The following VPS8 variants were observed in gnomAD, a reference collection of about 807,000 sequenced individuals.
The protein encoded by VPS8 is VPS8 subunit of CORVET complex.
Under a neutral mutation model 216.4 loss-of-function variants are expected in VPS8, and 129 were observed. The observed-to-expected ratio is 0.60, with a 90% CI of 0.52 to 0.69. VPS8 has a LOEUF of 0.69. Among genes scored for constraint, VPS8 ranks in the 30% least tolerant of loss-of-function variants. The pLI is 0.00. For synonymous variants in VPS8, 571 were observed against 565.4 expected (o/e 1.01, Z -0.14); for missense variants, 1,531 against 1,683.5 (o/e 0.91, Z 1.59).
chr3:184,812,480 TTAC>T (rs1428308645), intron 1 of VPS8: 3 of 152,200 alleles, frequency 2.0e-5, no homozygotes, highest in Non-Finnish European at 4.4e-5. Flanking sequence ...CAATTTCCAC[TTAC>T]TGGTTCCAAA....
intron 45 of VPS8, among the ~76,000 whole-genome samples, chr3:185,016,449 AC>A (rs1755807957): frequency 6.6e-6 from 1 of 152,234 alleles, no homozygotes; most frequent in Non-Finnish European, 1.5e-5. Context: ...TGTCCTACAT[AC>A]GTCTGGCAAA....
chr3:184,861,627 C>G (rs1444068608), intron 15 of VPS8, among the ~76,000 whole-genome samples: 1 of 152,146 alleles, frequency 6.6e-6, no homozygotes, highest in South Asian at 2.1e-4. Flanking sequence ...GTTTGAGATA[C>G]AGTACTTTAA....
chr3:184,856,112 C>A (rs1356560023), intron 14 of VPS8, among the ~76,000 whole-genome samples: 3 of 152,188 alleles, frequency 2.0e-5, no homozygotes, highest in African/African-American at 7.2e-5. Context: ...TGTGCAACTA[C>A]ATATGTGTGT....
chr3:184,840,664 A>T (rs1317452885), intron 7 of VPS8: 1 of 152,200 alleles, frequency 6.6e-6, no homozygotes, highest in Admixed American at 6.5e-5. Context: ...GTGAGCCAAG[A>T]TTGTGCCACC....
At chr3:184,894,587 T>C (rs1733033602) in intron 22 of VPS8, 116 bp from the exon 23 acceptor site, 6 of 769,442 alleles carry the variant, frequency 7.8e-6, no homozygotes, top group Middle Eastern at 3.5e-4. Flanking sequence ...ATTGCCATTT[T>C]AAATAAACTC....
At chr3:184,995,115 C>G (rs1752448267) in intron 43 of VPS8, among the ~76,000 whole-genome samples, 1 of 152,218 alleles carries the variant, frequency 6.6e-6, no homozygotes, top group Non-Finnish European at 1.5e-5. Context: ...CAAACCGTAT[C>G]ACCATAAATG....
In VPS8 at chr3:184,870,758, A is replaced by G. The variant is rs760360816; in HGVS notation, c.1687A>G (p.Lys563Glu). 14 of 1,612,518 alleles carry G rather than the reference A, an allele frequency of 8.7e-6. No individual in the cohort carries two copies. The Admixed American group carries it at 2.3e-4, about 27-fold the overall frequency. ...LFHYADRALK[K>E]CPDQGKIQVM... ...CCATTATGCAGATCGAGCTCTGAAA[A>G]AGTGCCCAGACCAAGGAAAAATCCA... is the stretch of plus-strand genomic sequence containing the variant. The change falls in exon 21 of 48, where the codon AAG (lysine) becomes GAG (glutamate). Residue 563 changes from lysine to glutamate, a missense_variant. Lys to Glu is a moderately conservative substitution (Grantham distance 56). Coordinates refer to ENST00000625842, the MANE Select transcript of VPS8 (RefSeq NM_001009921.3).
At chr3:184,875,504 T>G (rs1035996889) in intron 21 of VPS8, among the ~76,000 whole-genome samples, 4 of 152,130 alleles carry the variant, frequency 2.6e-5, no homozygotes, top group African/African-American at 9.7e-5. Flanking sequence ...ATTACAGTGT[T>G]TTCTGTCTCA....
intron 1 of VPS8, among the ~76,000 whole-genome samples, chr3:184,814,175 A>G (rs1715803363): frequency 6.6e-6 from 1 of 152,236 alleles, no homozygotes; most frequent in Non-Finnish European, 1.5e-5. Context: ...GAAAATTCAA[A>G]TGGGCTTAAG....
At chr3:185,002,488 T>C (rs1010878846) in intron 45 of VPS8, among the ~76,000 whole-genome samples, 2 of 152,130 alleles carry the variant, frequency 1.3e-5, no homozygotes, top group African/African-American at 4.8e-5. Context: ...GAACAGGTGG[T>C]TTTTGATTAC....
intron 42 of VPS8, among the ~76,000 whole-genome samples, chr3:184,984,365 C>A (rs574487623): frequency 6.8e-6 from 1 of 146,754 alleles, no homozygotes; most frequent in East Asian, 2.1e-4. Flanking sequence ...GTGATCTTGG[C>A]TCACCGCAAC....
chr3:184,817,996 C>T (rs934444615), intron 1 of VPS8, among the ~76,000 whole-genome samples: 4 of 151,532 alleles, frequency 2.6e-5, no homozygotes, highest in Non-Finnish European at 5.9e-5. Context: ...CCAGTTTGAA[C>T]GGTGCCCAGA....
chr3:184,954,837 G>T (rs762772364), intron 36 of VPS8, among the ~76,000 whole-genome samples: 11 of 152,270 alleles, frequency 7.2e-5, no homozygotes, highest in African/African-American at 1.2e-4. Context: ...ATACAAATTA[G>T]ATATAGAGAT....
chr3:185,007,412 TAAC>T (rs1484985322), intron 45 of VPS8, among the ~76,000 whole-genome samples: 8 of 152,234 alleles, frequency 5.3e-5, no homozygotes, highest in Admixed American at 2.0e-4. Flanking sequence ...TAGTAGCAAA[TAAC>T]AATCTTCTTT....
At chr3:185,010,279 A>G (rs1355720202) in intron 45 of VPS8, among the ~76,000 whole-genome samples, 4 of 152,254 alleles carry the variant, frequency 2.6e-5, no homozygotes, top group African/African-American at 7.2e-5. Flanking sequence ...GAGTTTAGCA[A>G]TGTATTAAAG....
chr3:185,037,864 C>T (rs1228883083), intron 46 of VPS8, among the ~76,000 whole-genome samples: 1 of 152,078 alleles, frequency 6.6e-6, no homozygotes, highest in East Asian at 1.9e-4. Flanking sequence ...TGTCATCATA[C>T]CTTCCTTTAC....
intron 1 of VPS8, among the ~76,000 whole-genome samples, chr3:184,819,163 T>G (rs542052231): frequency 6.6e-6 from 1 of 152,188 alleles, no homozygotes; most frequent in South Asian, 2.1e-4. Context: ...GAATAACAAT[T>G]AAGAGGAAAT....
chr3:185,051,828 C>A, intron 47 of VPS8, 48 bp from the exon 48 acceptor site: 1 of 1,508,712 alleles, frequency 6.6e-7, no homozygotes, highest in Non-Finnish European at 8.9e-7. Flanking sequence ...AGCCTCTCTT[C>A]CCTCTGCTCC....
At chr3:184,938,250 G>T (rs1312622761) in intron 35 of VPS8, among the ~76,000 whole-genome samples, 1 of 152,228 alleles carries the variant, frequency 6.6e-6, no homozygotes, top group Non-Finnish European at 1.5e-5. Context: ...GCATGATAAT[G>T]ATGAGGTCCA....
Sources: allele counts gnomAD v4.1 joint callset (sites outside exome capture counted in the v4.1 genomes callset), GRCh38; gene constraint gnomAD v4.1.1; transcripts MANE v1.5; gene names NCBI Gene and HGNC (gene_info 2026-07-23, HGNC 2026-07-21).